SCAPER: variants seen among roughly 807,000 people sequenced by gnomAD.
The protein encoded by SCAPER is S-phase cyclin A associated protein in the ER, also known as S phase cyclin A-associated protein in the endoplasmic reticulum.
Under a neutral mutation model 182.2 loss-of-function variants are expected in SCAPER, and 98 were observed. The ratio of observed to expected loss-of-function variants is 0.54; its 90% CI spans 0.46 to 0.64. The LOEUF (loss-of-function observed/expected upper bound fraction) is 0.64. SCAPER is among the 30% of genes least tolerant of loss of function. The pLI, the probability that SCAPER is intolerant of heterozygous loss-of-function variation, is 0.00. For synonymous variants in SCAPER, 605 were observed against 564.6 expected, an observed-to-expected ratio of 1.07 and a Z score of -1.01; for missense variants, 1,432 against 1,690.0, an observed-to-expected ratio of 0.85 and a Z score of 2.68.
At chr15:76,405,363 T>C (rs979760578) in intron 26 of SCAPER, among the ~76,000 whole-genome samples, 23 of 152,064 alleles carry the variant, frequency 1.5e-4, no homozygotes, top group African/African-American at 5.6e-4. Context: ...GCGATCCTCC[T>C]GCCTCGGCCT....
In SCAPER at chr15:76,652,274, ATATATATATATATATATATATATATAT is replaced by A. The variant is rs2055153607; in HGVS notation, c.2645+13352_2645+13378del. 2.8e-4 allele frequency among the ~76,000 whole-genome samples: 3 copies of A among 10,642 alleles called. 1 individual carries two copies. The highest frequency in any genetic ancestry group is 3.2e-4 in the Non-Finnish European group (2 of 6,334). The allele number at this position is 10,642 out of a possible 152,430, so 7.0% of individuals were successfully genotyped here. A position where few individuals can be genotyped will look rare whatever the true frequency, so the allele number is the denominator to read the frequency against. On this transcript the variant is annotated intron_variant, in intron 21 of 31. Transcript: ENST00000563290. ...TCTCTGCTAAAAAAAAAAAAAAAAA[ATATATATATATATATATATATATATAT>A]ATATATATACACACACACACACACA...
intron 17 of SCAPER, among the ~76,000 whole-genome samples, chr15:76,722,855 T>C (rs1349184509): frequency 1.3e-5 from 2 of 152,182 alleles, no homozygotes; most frequent in Non-Finnish European, 2.9e-5. Flanking sequence ...TCTATCGATT[T>C]TGCTGATCTT....
At chr15:76,539,286 T>C (rs1039983553) in intron 23 of SCAPER, among the ~76,000 whole-genome samples, 1 of 152,150 alleles carries the variant, frequency 6.6e-6, no homozygotes, top group African/African-American at 2.4e-5. Context: ...GACAATGTAT[T>C]ATAGGTACGT....
rs976552415 is a variant in SCAPER at position 76,660,420 on chromosome 15, T to C, written c.2645+5233A>G. On this transcript the variant is annotated intron_variant, in intron 21 of 31. Transcript: ENST00000563290. ...ATTTAAAACAATAATAAACAAATAA[T>C]TTAAAAGGTGTGCTCCCCTCTTCTC... is the stretch of plus-strand genomic sequence containing the variant. 2.6e-5 allele frequency among the ~76,000 whole-genome samples: 4 copies of C among 152,000 alleles called. No homozygotes were observed. The East Asian group carries it at 7.7e-4, about 29-fold the overall frequency.
intron 1 of SCAPER, among the ~76,000 whole-genome samples, chr15:76,902,118 T>C (rs534185242): frequency 8.5e-5 from 13 of 152,222 alleles, no homozygotes; most frequent in African/African-American, 3.1e-4. Context: ...CCAAACATGT[T>C]TGTGAAAAAG....
At chr15:76,665,605 A>G in intron 21 of SCAPER, 48 bp downstream of exon 21, 2 of 1,526,902 alleles carry the variant, frequency 1.3e-6, no homozygotes, top group Non-Finnish European at 8.7e-7. Flanking sequence ...ACATTAAAAG[A>G]TACATCACTA....
At chr15:76,826,212 C>T (rs1273681476) in intron 5 of SCAPER, among the ~76,000 whole-genome samples, 1 of 151,806 alleles carries the variant, frequency 6.6e-6, no homozygotes, top group Non-Finnish European at 1.5e-5. Context: ...CACATATACA[C>T]CATGGAATAC....
intron 21 of SCAPER, among the ~76,000 whole-genome samples, chr15:76,635,899 G>A (rs2053555206): frequency 6.6e-6 from 1 of 151,984 alleles, no homozygotes; most frequent in African/African-American, 2.4e-5. Flanking sequence ...CTGAATTCTT[G>A]GAATAAATCC....
intron 25 of SCAPER, among the ~76,000 whole-genome samples, chr15:76,442,241 C>G (rs528803376): frequency 1.3e-5 from 2 of 152,220 alleles, no homozygotes; most frequent in South Asian, 2.1e-4. Flanking sequence ...TCCCCACCCC[C>G]CAAAATAAGT....
chr15:76,731,694 A>G (rs1415964411), intron 16 of SCAPER, among the ~76,000 whole-genome samples: 2 of 152,250 alleles, frequency 1.3e-5, no homozygotes. Context: ...ATCTCAGTAT[A>G]TCTCAAGCAT....
chr15:76,561,954 T>G lies in SCAPER; in HGVS notation c.2838+12204A>C, dbSNP rs971240930. On this transcript the variant is annotated intron_variant, in intron 23 of 31. Coordinates refer to ENST00000563290, the MANE Select transcript of SCAPER (RefSeq NM_020843.4). The stretch of plus-strand genomic sequence containing the variant: ...TGAGGTCAGGAGTTCGAAACCCACC[T>G]GGCCAACATGGTGATCCCCATCTCT... Among the ~76,000 whole-genome samples, 23 of 151,728 alleles carry G rather than the reference T, an allele frequency of 1.5e-4. No homozygotes were observed. In the Middle Eastern group the frequency reaches 0.01, roughly 67 times the overall value.
At chr15:76,765,173 A>G (rs2063035175) in intron 13 of SCAPER, 101 bp from the exon 14 acceptor site, 1 of 1,066,770 alleles carries the variant, frequency 9.4e-7, no homozygotes, top group East Asian at 2.6e-5. Flanking sequence ...ATACAAAACT[A>G]ATTTTGGCCC....
rs1202546052 is a variant in SCAPER, at chr15:76,413,322, T to C, written c.3312-8643A>G. Among the ~76,000 whole-genome samples, 6 of 152,178 alleles carry C rather than the reference T, an allele frequency of 3.9e-5. No individual in the cohort carries two copies. The South Asian group carries it at 1.0e-3, about 26-fold the overall frequency. On this transcript the variant is annotated intron_variant, in intron 26 of 31. Coordinates refer to ENST00000563290, the MANE Select transcript of SCAPER (RefSeq NM_020843.4). ...TGTATTCCTAATCTTAAAGGAAAAGTGTTTATTATTATGTACGATTTAGCT... is the reference window on the plus strand; with the variant it reads ...TGTATTCCTAATCTTAAAGGAAAAGCGTTTATTATTATGTACGATTTAGCT...
At chr15:76,676,905 A>G (rs778526552) in intron 20 of SCAPER, among the ~76,000 whole-genome samples, 2 of 151,068 alleles carry the variant, frequency 1.3e-5, no homozygotes, top group East Asian at 3.9e-4. Context: ...TATTATAAAT[A>G]TTATAAATAA....
chr15:76,572,946 G>C (rs34124461), intron 23 of SCAPER, among the ~76,000 whole-genome samples: 38 of 49,432 alleles, frequency 7.7e-4, no homozygotes, highest in East Asian at 2.3e-3. Context: ...CACACACACA[G>C]AGAAATGTCC....
At chr15:76,617,567 T>C (rs1408386526) in intron 22 of SCAPER, among the ~76,000 whole-genome samples, 2 of 152,178 alleles carry the variant, frequency 1.3e-5, no homozygotes, top group Non-Finnish European at 2.9e-5. Flanking sequence ...ATCCCTTGCC[T>C]AGGGTTTTCA....
At chr15:76,545,098 T>C (rs1211741780) in intron 23 of SCAPER, among the ~76,000 whole-genome samples, 2 of 152,184 alleles carry the variant, frequency 1.3e-5, no homozygotes, top group African/African-American at 4.8e-5. Flanking sequence ...AAACCTTCAA[T>C]GGGGGCCAAT....
At chr15:76,730,212 A>T (rs1010373805) in intron 16 of SCAPER, among the ~76,000 whole-genome samples, 14 of 152,140 alleles carry the variant, frequency 9.2e-5, no homozygotes, top group Non-Finnish European at 1.9e-4. Context: ...TAGTAACTTC[A>T]TCTCCACAAC....
intron 31 of SCAPER, 26 bp downstream of exon 31, chr15:76,351,211 G>A: frequency 6.3e-7 from 1 of 1,591,556 alleles, no homozygotes; most frequent in Non-Finnish European, 8.6e-7. Flanking sequence ...ACAAACACAT[G>A]AAATTTAATT....
Sources: allele counts gnomAD v4.1 joint callset (sites outside exome capture counted in the v4.1 genomes callset), GRCh38; gene constraint gnomAD v4.1.1; transcripts MANE v1.5; gene names NCBI Gene and HGNC (gene_info 2026-07-23, HGNC 2026-07-21).